PTPRT: variants seen among roughly 807,000 people sequenced by gnomAD.
PTPRT encodes the protein receptor-type tyrosine-protein phosphatase T.
PTPRT carries 56 observed loss-of-function variants against 176.8 expected under a neutral mutation model. The ratio of observed to expected loss-of-function variants is 0.32; its 90% CI spans 0.26 to 0.40. PTPRT has a LOEUF of 0.40. Ranked by LOEUF, PTPRT falls within the 10% of genes least tolerant of loss-of-function variation. PTPRT has a pLI of 1.00. For synonymous variants in PTPRT, 783 were observed against 739.0 expected (o/e 1.06, Z -0.96); for missense variants, 1,540 against 1,908.2 (o/e 0.81, Z 3.60).
At chr20:43,163,929 T>C (rs1474118785) in intron 1 of PTPRT, among the ~76,000 whole-genome samples, 1 of 152,202 alleles carries the variant, frequency 6.6e-6, no homozygotes, top group Admixed American at 6.5e-5. Flanking sequence ...ATTTGGACTA[T>C]ACAGATCCTT....
the PTPRT span, among the ~76,000 whole-genome samples, chr20:42,049,047 T>G: frequency 1.3e-5 from 2 of 152,186 alleles, no homozygotes; most frequent in Non-Finnish European, 2.9e-5. Context: ...CTCCAACTCC[T>G]GATCTCAGGT....
chr20:42,246,420 C>T (rs1368133773), intron 14 of PTPRT, among the ~76,000 whole-genome samples: 2 of 152,190 alleles, frequency 1.3e-5, no homozygotes, highest in African/African-American at 4.8e-5. Context: ...CACCCCACAA[C>T]ATGCAATGCC....
At chr20:42,062,488 A>G in the PTPRT span, among the ~76,000 whole-genome samples, 1 of 152,206 alleles carries the variant, frequency 6.6e-6, no homozygotes, top group Admixed American at 6.5e-5. Context: ...CAGGATGTGT[A>G]GAGGGATGTC....
At chr20:42,772,948 A>G (rs553504614) in intron 4 of PTPRT, among the ~76,000 whole-genome samples, 1 of 152,328 alleles carries the variant, frequency 6.6e-6, no homozygotes, top group South Asian at 2.1e-4. Flanking sequence ...AGCAAGTTTA[A>G]TGTGCTGAAA....
intron 16 of PTPRT, among the ~76,000 whole-genome samples, chr20:42,188,865 G>A (rs1170110905): frequency 1.1e-4 from 16 of 152,196 alleles, no homozygotes; most frequent in Non-Finnish European, 8.8e-5. Context: ...CTCTTTGAAA[G>A]TGTATTGAGG....
chr20:42,439,076 G>C (rs1042921069), intron 9 of PTPRT, among the ~76,000 whole-genome samples: 2 of 152,176 alleles, frequency 1.3e-5, no homozygotes, highest in African/African-American at 4.8e-5. Flanking sequence ...TTCCCTGTCA[G>C]CCCGAATGAC....
intron 1 of PTPRT, among the ~76,000 whole-genome samples, chr20:43,174,901 T>C (rs2015090174): frequency 6.6e-6 from 1 of 152,200 alleles, no homozygotes. Flanking sequence ...ATCCAATGAT[T>C]TGGTTTTCAG....
intron 7 of PTPRT, among the ~76,000 whole-genome samples, chr20:42,477,267 T>C (rs1294119917): frequency 2.0e-5 from 3 of 152,178 alleles, no homozygotes; most frequent in African/African-American, 7.2e-5. Flanking sequence ...CAAGGGGCAG[T>C]TCCTGTGAGA....
intron 1 of PTPRT, among the ~76,000 whole-genome samples, chr20:43,084,577 G>A (rs2011553945): frequency 6.6e-6 from 1 of 152,176 alleles, no homozygotes; most frequent in South Asian, 2.1e-4. Flanking sequence ...CCCTCAACAT[G>A]TGCGGATTAC....
chr20:43,003,826 C>T (rs553943057), intron 1 of PTPRT, among the ~76,000 whole-genome samples: 8 of 151,926 alleles, frequency 5.3e-5, no homozygotes, highest in African/African-American at 1.9e-4. Context: ...AGGAAAGCTT[C>T]CATTCTTTAA....
chr20:42,779,506 C>T lies in PTPRT; in HGVS notation c.568+712G>A, dbSNP rs1376778079. Among the ~76,000 whole-genome samples, 6 of 152,270 alleles carry T rather than the reference C, an allele frequency of 3.9e-5. No homozygotes were observed. The South Asian group carries it at 6.2e-4, about 16-fold the overall frequency. On this transcript the variant is annotated intron_variant, in intron 4 of 30. Coordinates refer to ENST00000373187, the MANE Select transcript of PTPRT (RefSeq NM_007050.6). ...CCATGCAAATCAGTTTGATTTCAGT[C>T]CCCCCAACCAAATGTCACTGGGTAT...
At chr20:42,164,063 C>T (rs1012043381) in intron 16 of PTPRT, among the ~76,000 whole-genome samples, 1 of 152,242 alleles carries the variant, frequency 6.6e-6, no homozygotes, top group Non-Finnish European at 1.5e-5. Flanking sequence ...ATACCTAAAG[C>T]TTGGAGTCAT....
At chr20:42,239,176 G>C (rs1568698477) in intron 14 of PTPRT, among the ~76,000 whole-genome samples, 1 of 151,970 alleles carries the variant, frequency 6.6e-6, no homozygotes, top group South Asian at 2.1e-4. Flanking sequence ...ACCTCTTTAG[G>C]AATAATAAAA....
chr20:42,115,233 G>A lies in PTPRT; in HGVS notation c.3065C>T (p.Ala1022Val), dbSNP rs2146311445. 1.2e-6 allele frequency: 2 copies of A among 1,614,124 alleles called. No individual in the cohort carries two copies. Among genetic ancestry groups the A allele is most frequent in the Non-Finnish European group, 8.5e-7 (1 of 1,179,964 alleles). Residue 1022 changes from alanine to valine, a missense_variant, in exon 22 of 31, where the codon GCA becomes GTA. By Grantham distance (64) the Ala-to-Val change is moderately conservative. Transcript: ENST00000373187. Reference protein sequence around the residue: ...KVTLIETEPLAEYVIRTFTVQ... With the variant: ...KVTLIETEPLVEYVIRTFTVQ... ...TGTGAAGGTGCGTATGACGTATTCT[G>A]CCAGGGGCTCTGTTTCAATCAGGGT...
At chr20:43,075,466 C>T (rs1041823054) in intron 1 of PTPRT, among the ~76,000 whole-genome samples, 7 of 152,232 alleles carry the variant, frequency 4.6e-5, no homozygotes, top group African/African-American at 1.7e-4. Flanking sequence ...AGGCTATGCT[C>T]TAATAAGCAC....
chr20:42,439,811 A>G (rs1273439222), intron 9 of PTPRT, among the ~76,000 whole-genome samples: 1 of 152,172 alleles, frequency 6.6e-6, no homozygotes, highest in Admixed American at 6.5e-5. Context: ...TTGGACCGCA[A>G]TAAGGCCCAT....
At chr20:42,333,346 T>G (rs2057994051) in intron 11 of PTPRT, among the ~76,000 whole-genome samples, 1 of 152,216 alleles carries the variant, frequency 6.6e-6, no homozygotes, top group East Asian at 1.9e-4. Context: ...AGGCTTAGTT[T>G]TTTTGAGATG....
intron 15 of PTPRT, among the ~76,000 whole-genome samples, chr20:42,210,451 C>T (rs2055594058): frequency 1.3e-5 from 2 of 152,032 alleles, no homozygotes; most frequent in Admixed American, 6.6e-5. Context: ...TCAGCAAAGT[C>T]TCAGGATACA....
In PTPRT at chr20:42,946,847, T is replaced by C. The variant is rs370249745; in HGVS notation, c.89-60915A>G. ...TTTGAGCAAGGTATTTGCCCTGGGG[T>C]TGTCCTGTGAATTTTAGAATTTTTA... On this transcript the variant is annotated intron_variant, in intron 1 of 30. Transcript: ENST00000373187. Among the ~76,000 whole-genome samples, 16 of 152,148 alleles carry C rather than the reference T, an allele frequency of 1.1e-4. No individual in the cohort carries two copies. In the East Asian group the frequency reaches 2.1e-3, roughly 20 times the overall value.
Sources: allele counts gnomAD v4.1 joint callset (sites outside exome capture counted in the v4.1 genomes callset), GRCh38; gene constraint gnomAD v4.1.1; transcripts MANE v1.5; gene names NCBI Gene and HGNC (gene_info 2026-07-23, HGNC 2026-07-21).